ANKRD17: variants seen among roughly 807,000 people sequenced by gnomAD.
ANKRD17 encodes ankyrin repeat domain-containing protein 17.
A neutral mutation model predicts 229.7 loss-of-function variants in ANKRD17; 19 were observed. That is an observed-to-expected ratio of 0.08 (90% CI 0.06 to 0.12). The LOEUF (loss-of-function observed/expected upper bound fraction) is 0.12, where lower values mean the gene tolerates loss of function less well. Ranked by LOEUF, ANKRD17 falls within the 10% of genes least tolerant of loss-of-function variation. The probability of loss-of-function intolerance (pLI) is 1.00; values close to 1 mark genes in which losing one functional copy is unlikely to be tolerated. For missense variants in ANKRD17, 2,176 were observed against 3,176.8 expected (o/e 0.68, Z 7.57); for synonymous variants, 1,112 against 1,146.1 (o/e 0.97, Z 0.60).
chr4:73,154,174 C>T (rs1037142179), intron 5 of ANKRD17, 61 bp from the exon 6 acceptor site: 3 of 1,156,886 alleles, frequency 2.6e-6, no homozygotes, highest in Middle Eastern at 2.1e-4. Flanking sequence ...AATTAAAGTG[C>T]TAATTTACAT....
intron 29 of ANKRD17, among the ~76,000 whole-genome samples, chr4:73,088,032 A>G (rs1226765537): frequency 1.3e-5 from 2 of 152,196 alleles, no homozygotes; most frequent in East Asian, 1.9e-4. Context: ...AAAGATGTTA[A>G]CAAGCAGAGA....
intron 3 of ANKRD17, among the ~76,000 whole-genome samples, chr4:73,158,765 G>A (rs1345723159): frequency 1.3e-5 from 2 of 152,200 alleles, no homozygotes; most frequent in African/African-American, 4.8e-5. Context: ...TTATCATGGA[G>A]TGAGACTGGG....
Position 73,221,314 on chromosome 4 carries a change from TAAAC to T in ANKRD17, c.393+36958_393+36961del, listed in dbSNP as rs1214929469. 2.6e-5 allele frequency among the ~76,000 whole-genome samples: 4 copies of T among 152,178 alleles called. No individual in the cohort carries two copies. In the East Asian group the frequency reaches 7.7e-4, roughly 29 times the overall value. The stretch of plus-strand genomic sequence containing the variant: ...GTAACATGAAATCTTAACATGGTAT[TAAAC>T]AATTGAGATAATAAAAAGCCAGTTG... On this transcript the variant is annotated intron_variant, in intron 1 of 33. Transcript: ENST00000358602.
intron 15 of ANKRD17, among the ~76,000 whole-genome samples, chr4:73,139,142 G>A (rs1463202884): frequency 6.6e-6 from 1 of 151,866 alleles, no homozygotes; most frequent in Non-Finnish European, 1.5e-5. Context: ...TGTCCTACTA[G>A]TTTTGCACTT....
At chr4:73,132,661 A>C (rs753985610) in intron 16 of ANKRD17, among the ~76,000 whole-genome samples, 1 of 152,174 alleles carries the variant, frequency 6.6e-6, no homozygotes, top group Non-Finnish European at 1.5e-5. Flanking sequence ...AAGCATGTCT[A>C]CTATGTTTAA....
At chr4:73,178,300 T>C (rs1172404970) in intron 1 of ANKRD17, among the ~76,000 whole-genome samples, 3 of 152,154 alleles carry the variant, frequency 2.0e-5, no homozygotes, top group East Asian at 1.9e-4. Flanking sequence ...TCTAAAAAAA[T>C]TGCAGTTATT....
At chr4:73,150,717 G>A (rs541129984) in intron 7 of ANKRD17, among the ~76,000 whole-genome samples, 1 of 152,138 alleles carries the variant, frequency 6.6e-6, no homozygotes, top group East Asian at 1.9e-4. Context: ...ATTCTTTGGG[G>A]GCCCTTTCTA....
chr4:73,235,586 TAAAGG>T (rs1743429933), intron 1 of ANKRD17, among the ~76,000 whole-genome samples: 1 of 152,168 alleles, frequency 6.6e-6, no homozygotes, highest in Non-Finnish European at 1.5e-5. Flanking sequence ...GAAAAGAAAT[TAAAGG>T]AATGTACTAA....
At chr4:73,168,883 CGAGGTAAT>C (rs1490111733) in intron 2 of ANKRD17, 1 of 152,108 alleles carries the variant, frequency 6.6e-6, no homozygotes, top group African/African-American at 2.4e-5. Context: ...ATTTCATCAC[CGAGGTAAT>C]GAGCATAGTA....
intron 6 of ANKRD17, among the ~76,000 whole-genome samples, chr4:73,152,567 T>C (rs1034768117): frequency 6.6e-6 from 1 of 152,094 alleles, no homozygotes; most frequent in Non-Finnish European, 1.5e-5. Context: ...CAGCTTCTAA[T>C]TAAAGCCTGC....
intron 27 of ANKRD17, among the ~76,000 whole-genome samples, 195 bp downstream of exon 27, chr4:73,096,922 T>G (rs950639035): frequency 3.3e-5 from 5 of 152,206 alleles, no homozygotes; most frequent in African/African-American, 1.2e-4. Context: ...ACTCCAATAC[T>G]TTTGAGGGGC....
chr4:73,158,192 GAGAA>G (rs1732022002), intron 3 of ANKRD17, among the ~76,000 whole-genome samples: 1 of 45,628 alleles, frequency 2.2e-5, no homozygotes, highest in African/African-American at 6.7e-5. Flanking sequence ...AAGAAAGAGA[GAGAA>G]AGAAAGAAAG....
At position 73,081,887 on chromosome 4, in the gene ANKRD17, T is replaced by C. The variant is rs553418374; in HGVS notation, c.7160-2997A>G. On this transcript the variant is annotated intron_variant, in intron 30 of 33. Transcript: ENST00000358602. ...GCCACTGGGTGTGGTGGCTCACACCTGCAATCCCAACACTTTGGGAGGCCC... is the reference window on the plus strand; with the variant it reads ...GCCACTGGGTGTGGTGGCTCACACCCGCAATCCCAACACTTTGGGAGGCCC... Among the ~76,000 whole-genome samples, 83 of 152,298 alleles carry C rather than the reference T, an allele frequency of 5.4e-4. 1 individual carries two copies. In the South Asian group the frequency reaches 0.016, roughly 29 times the overall value.
At position 73,073,952 on chromosome 4, in the gene ANKRD17, AT is replaced by A. The variant is rs1720859265; in HGVS notation, c.*2278del. 1 of 152,080 alleles carries A rather than the reference AT, an allele frequency of 6.6e-6. No homozygotes were observed. The highest frequency in any genetic ancestry group is 2.4e-5 in the African/African-American group (1 of 41,464). The allele number at this position is 152,080 out of a possible 1,614,324, so 9.4% of individuals were successfully genotyped here. On this transcript the variant is annotated 3_prime_UTR_variant, in exon 34 of 34. Coordinates refer to ENST00000358602, the MANE Select transcript of ANKRD17 (RefSeq NM_032217.5). Reference sequence around the variant, plus strand: ...TACCACATATTTTCAAAATTAAAAAATAAAAGACCTTCATGGTCTCAAAAAG... The same window carrying A: ...TACCACATATTTTCAAAATTAAAAAAAAAAGACCTTCATGGTCTCAAAAAG...
intron 1 of ANKRD17, among the ~76,000 whole-genome samples, chr4:73,224,131 C>A (rs1247312393): frequency 3.3e-5 from 5 of 152,138 alleles, no homozygotes; most frequent in Non-Finnish European, 7.4e-5. Flanking sequence ...TAGTGCATGC[C>A]TGTAATCCCA....
chr4:73,112,727 A>G (rs1578085287), intron 24 of ANKRD17: 1 of 776,810 alleles, frequency 1.3e-6, no homozygotes, highest in East Asian at 1.3e-4. Flanking sequence ...TTATCACTGC[A>G]TCTCCTTTAT....
At position 73,090,742 on chromosome 4, in the gene ANKRD17, G is replaced by C. The variant is rs749592531; in HGVS notation, c.6886C>G (p.Pro2296Ala). ...GKSSYLPNSD[P>A]LHQSDTSKAP... ...TTGGAAGTATCAGACTGATGTAAAG[G>C]ATCTGAATTTGGCAAATATGAGGAT... The change falls in exon 29 of 34, where the codon CCT becomes GCT. Residue 2296 changes from proline to alanine, a missense_variant. Physicochemically the swap from Pro to Ala is conservative, Grantham distance 27. Coordinates refer to ENST00000358602, the MANE Select transcript of ANKRD17 (RefSeq NM_032217.5). 2 of 1,614,184 alleles carry C rather than the reference G, an allele frequency of 1.2e-6. No individual in the cohort carries two copies. The highest frequency in any genetic ancestry group is 4.5e-5 in the East Asian group (2 of 44,874).
intron 2 of ANKRD17, among the ~76,000 whole-genome samples, chr4:73,164,288 T>TA (rs961756649): frequency 5.3e-5 from 8 of 152,194 alleles, no homozygotes; most frequent in African/African-American, 9.6e-5. Context: ...ACCACTGTTT[T>TA]AAAAAAATCT....
At chr4:73,240,806 C>CTTTTT (rs111961579) in intron 1 of ANKRD17, among the ~76,000 whole-genome samples, 13 of 127,030 alleles carry the variant, frequency 1.0e-4, no homozygotes, top group African/African-American at 2.8e-4. Flanking sequence ...AGTACTTATT[C>CTTTTT]TTTTTTTTTT....
Sources: allele counts gnomAD v4.1 joint callset (sites outside exome capture counted in the v4.1 genomes callset), GRCh38; gene constraint gnomAD v4.1.1; transcripts MANE v1.5; gene names NCBI Gene and HGNC (gene_info 2026-07-23, HGNC 2026-07-21).